The following ATP8A2 variants were observed in gnomAD, a reference collection of about 807,000 sequenced individuals.
ATP8A2 encodes the protein phospholipid-transporting ATPase IB.
In ATP8A2, 100 loss-of-function variants were observed where a neutral mutation model predicts 165.6. The ratio of observed to expected loss-of-function variants is 0.60; its 90% CI spans 0.51 to 0.71. The LOEUF is 0.71. Ranked by LOEUF, ATP8A2 falls within the 30% of genes least tolerant of loss-of-function variation. The pLI, the probability that ATP8A2 is intolerant of heterozygous loss-of-function variation, is 0.00. For missense variants in ATP8A2, 1,227 were observed against 1,479.5 expected (o/e 0.83, Z 2.80); for synonymous variants, 543 against 548.8 (o/e 0.99, Z 0.15).
chr13:26,019,944 C>T lies in ATP8A2; in HGVS notation c.3526C>T (p.Arg1176Cys). 2 of 1,613,994 alleles carry T rather than the reference C, an allele frequency of 1.2e-6. No homozygotes were observed. Among genetic ancestry groups the T allele is most frequent in the South Asian group, 1.1e-5 (1 of 91,062 alleles). Residue 1176 changes from arginine (R) to cysteine (C), a missense_variant, in exon 37 of 37, where the codon CGT becomes TGT. Physicochemically the swap from Arg to Cys is radical, Grantham distance 180. Coordinates refer to ENST00000381655, the MANE Select transcript of ATP8A2 (RefSeq NM_016529.6). ...HGAVSQEEVI[R>C]AYDTTKKKSR... is the part of the protein sequence containing the mutation. ...AGCTGTTAGTCAGGAAGAAGTCATC[C>T]GTGCTTATGACACCACCAAAAAGAA...
chr13:25,971,159 C>G (rs1382584356), intron 35 of ATP8A2, among the ~76,000 whole-genome samples: 1 of 152,028 alleles, frequency 6.6e-6, no homozygotes, highest in Non-Finnish European at 1.5e-5. Flanking sequence ...CTCTGCCGCT[C>G]ATCCTCCTCA....
At chr13:25,619,541 A>G (rs1271116053) in intron 24 of ATP8A2, among the ~76,000 whole-genome samples, 1 of 152,228 alleles carries the variant, frequency 6.6e-6, no homozygotes, top group Non-Finnish European at 1.5e-5. Context: ...AAAAAAACAG[A>G]CAGTAACCCT....
chr13:25,901,477 T>G (rs1953745207), intron 33 of ATP8A2, among the ~76,000 whole-genome samples: 1 of 151,062 alleles, frequency 6.6e-6, no homozygotes, highest in African/African-American at 2.4e-5. Flanking sequence ...AATTAAATTT[T>G]ATATGAATTC....
chr13:25,792,922 AAG>A (rs746811542), intron 27 of ATP8A2, among the ~76,000 whole-genome samples: 2 of 151,088 alleles, frequency 1.3e-5, no homozygotes, highest in Non-Finnish European at 1.5e-5. Flanking sequence ...AGAAAAGAAA[AAG>A]AGAGAGAGAG....
At chr13:25,584,304 A>AG (rs967365840) in intron 23 of ATP8A2, among the ~76,000 whole-genome samples, 1 of 152,214 alleles carries the variant, frequency 6.6e-6, no homozygotes, top group African/African-American at 2.4e-5. Flanking sequence ...CAGCAGCATG[A>AG]GGTCATGCTC....
At chr13:25,871,374 G>A (rs1048901179) in intron 33 of ATP8A2, among the ~76,000 whole-genome samples, 1 of 152,136 alleles carries the variant, frequency 6.6e-6, no homozygotes, top group African/African-American at 2.4e-5. Flanking sequence ...TTCAGAGGGA[G>A]GTGGCCTTGT....
At chr13:26,004,924 CAG>C (rs1956710212) in intron 35 of ATP8A2, among the ~76,000 whole-genome samples, 1 of 112,002 alleles carries the variant, frequency 8.9e-6, no homozygotes, top group African/African-American at 3.4e-5. Flanking sequence ...ATATAGTCAT[CAG>C]GGATATTAGC....
At chr13:25,964,696 G>A (rs950654377) in intron 34 of ATP8A2, among the ~76,000 whole-genome samples, 9 of 152,194 alleles carry the variant, frequency 5.9e-5, no homozygotes, top group African/African-American at 2.2e-4. Context: ...GAAAGGGTGT[G>A]TATTTGAGAG....
At chr13:26,011,699 C>T (rs1011307336) in intron 35 of ATP8A2, among the ~76,000 whole-genome samples, 2 of 152,008 alleles carry the variant, frequency 1.3e-5, no homozygotes, top group Non-Finnish European at 2.9e-5. Context: ...TTTGGGAGGC[C>T]GAGGCAGGAG....
rs370064010 is a variant in ATP8A2, at chr13:25,574,840, T to A, written c.1695T>A (p.Asn565Lys). ...MGQEQTFGIL[N>K]VLEFSSDRKR... ...AGGAACAAACATTCGGAATCCTTAA[T>A]GTCCTGGAATTTTCTAGGTATGTTT... Residue 565 changes from asparagine to lysine, a missense_variant, in exon 19 of 37, where the codon AAT becomes AAA. Transcript: ENST00000381655. 5.1e-6 allele frequency: 8 copies of A among 1,556,854 alleles called. No homozygotes were observed. The East Asian group carries it at 8.9e-5, about 17-fold the overall frequency.
In ATP8A2 at chr13:26,025,116, C is replaced by CAAAAAAAAAAAAAAAA. The variant is rs71080217; in HGVS notation, c.*5137_*5152dup. On this transcript the variant is annotated 3_prime_UTR_variant, in exon 37 of 37. Coordinates refer to ENST00000381655, the MANE Select transcript of ATP8A2 (RefSeq NM_016529.6). ...GTGAATCAATAAACACCAACAACAA[C>CAAAAAAAAAAAAAAAA]AAAAAAAAAAAAAAAAAAAAAGGAA... The CAAAAAAAAAAAAAAAA allele has an allele frequency of 2.1e-5, 2 of 94,812 alleles. No homozygotes were observed. The highest frequency in any genetic ancestry group is 4.1e-5 in the African/African-American group (1 of 24,524). The allele number at this position is 94,812 out of a possible 1,614,324, so 5.9% of individuals were successfully genotyped here.
intron 35 of ATP8A2, among the ~76,000 whole-genome samples, chr13:26,007,878 C>T (rs1956774669): frequency 6.6e-6 from 1 of 152,052 alleles, no homozygotes; most frequent in Non-Finnish European, 1.5e-5. Flanking sequence ...CATAAAGTTG[C>T]AAATTTTGTA....
chr13:25,853,585 C>G (rs1952074584), intron 30 of ATP8A2, among the ~76,000 whole-genome samples: 1 of 152,030 alleles, frequency 6.6e-6, no homozygotes, highest in South Asian at 2.1e-4. Flanking sequence ...AAAAAGTTGT[C>G]AAACCATAGC....
intron 24 of ATP8A2, among the ~76,000 whole-genome samples, chr13:25,644,219 C>T (rs1158478166): frequency 2.0e-5 from 3 of 152,036 alleles, no homozygotes; most frequent in African/African-American, 7.2e-5. Flanking sequence ...AATTTGGATG[C>T]CTTTTATTTC....
chr13:25,555,268 C>G (rs560350209), intron 13 of ATP8A2, among the ~76,000 whole-genome samples, 200 bp downstream of exon 13: 1 of 151,840 alleles, frequency 6.6e-6, no homozygotes, highest in South Asian at 2.1e-4. Context: ...TGAGACACAG[C>G]TATGTCGTAT....
At chr13:25,532,218 A>G (rs375405846) in intron 4 of ATP8A2, 54 bp from the exon 5 acceptor site, 238 of 1,393,758 alleles carry the variant, frequency 1.7e-4, no homozygotes, top group Non-Finnish European at 2.2e-4. Flanking sequence ...TGCTATTTCA[A>G]TTATTCATGT....
chr13:25,917,017 C>G (rs758774819), intron 33 of ATP8A2, among the ~76,000 whole-genome samples: 5 of 152,122 alleles, frequency 3.3e-5, no homozygotes, highest in Non-Finnish European at 5.9e-5. Flanking sequence ...TCCAATTGCT[C>G]TCACTTCAAA....
chr13:25,746,067 C>T (rs2138172798), intron 25 of ATP8A2, among the ~76,000 whole-genome samples: 1 of 152,110 alleles, frequency 6.6e-6, no homozygotes, highest in East Asian at 1.9e-4. Context: ...TCTTTAATAC[C>T]CAAGAGATAC....
chr13:25,649,261 G>C (rs2041754623), intron 24 of ATP8A2, among the ~76,000 whole-genome samples: 1 of 152,184 alleles, frequency 6.6e-6, no homozygotes, highest in Non-Finnish European at 1.5e-5. Flanking sequence ...CTGGGGTGCT[G>C]CCTTTACCTT....
Sources: allele counts gnomAD v4.1 joint callset (sites outside exome capture counted in the v4.1 genomes callset), GRCh38; gene constraint gnomAD v4.1.1; transcripts MANE v1.5; gene names NCBI Gene and HGNC (gene_info 2026-07-23, HGNC 2026-07-21).